Variants in ADAMTS18 observed in about 807,000 individuals in gnomAD.
ADAMTS18 encodes ADAM metallopeptidase with thrombospondin type 1 motif 18.
ADAMTS18 carries 157 observed loss-of-function variants against 165.9 expected under a neutral mutation model. The ratio of observed to expected loss-of-function variants is 0.95; its 90% CI spans 0.83 to 1.08. ADAMTS18 has a LOEUF of 1.08. ADAMTS18 is among the 50% of genes least tolerant of loss of function. The pLI is 0.00. For synonymous variants in ADAMTS18, 782 were observed against 578.2 expected (o/e 1.35, Z -5.06); for missense variants, 2,040 against 1,534.0 (o/e 1.33, Z -5.51).
intron 1 of ADAMTS18, 44 bp from the exon 2 acceptor site, chr16:77,434,549 G>A (rs2057774149): frequency 6.5e-7 from 1 of 1,533,412 alleles, no homozygotes. Flanking sequence ...GCGCGGCGGG[G>A]CTGGCGTCGG....
chr16:77,347,657 A>G lies in ADAMTS18; in HGVS notation c.1615-5858T>C, dbSNP rs186469563. Among the ~76,000 whole-genome samples, 179 of 152,152 alleles carry G rather than the reference A, an allele frequency of 1.2e-3. 2 individuals carry two copies. The highest frequency in any genetic ancestry group is 4.1e-3 in the African/African-American group (170 of 41,506). On this transcript the variant is annotated intron_variant, in intron 10 of 22. Coordinates refer to ENST00000282849, the MANE Select transcript of ADAMTS18 (RefSeq NM_199355.4). ...CTGAGAGCAATTGATATTGAGTACC[A>G]TTTCATGCATTTATTGACTATGTGT...
intron 3 of ADAMTS18, among the ~76,000 whole-genome samples, chr16:77,376,038 G>A (rs1041415221): frequency 1.3e-5 from 2 of 151,842 alleles, no homozygotes; most frequent in African/African-American, 4.8e-5. Flanking sequence ...TGAGTAGCTG[G>A]GATTACAGGC....
Position 77,289,324 on chromosome 16 carries a change from G to C in ADAMTS18, c.3490C>G (p.Gln1164Glu). 5 of 1,614,158 alleles carry C rather than the reference G, an allele frequency of 3.1e-6. No homozygotes were observed. Among genetic ancestry groups the C allele is most frequent in the Non-Finnish European group, 4.2e-6 (5 of 1,180,022 alleles). ...GRPSSSCLLH[Q>E]KPPVLRACNT... ...CAGGCTCGTAGCACCGGAGGTTTCT[G>C]ATGGAGCAGACAACTTGAGGAAGGC... Residue 1164 changes from glutamine (Q) to glutamate (E), a missense_variant, in exon 22 of 23, where the codon CAG (glutamine) becomes GAG (glutamate). By Grantham distance (29) the Gln-to-Glu change is conservative. Transcript: ENST00000282849.
chr16:77,364,089 T>G (rs943060269), intron 5 of ADAMTS18, 99 bp downstream of exon 5: 4 of 1,499,316 alleles, frequency 2.7e-6, no homozygotes, highest in Non-Finnish European at 3.7e-6. Context: ...CAATTACATT[T>G]GCACCGACCT....
intron 11 of ADAMTS18, among the ~76,000 whole-genome samples, chr16:77,341,175 G>T (rs1271330917): frequency 1.3e-5 from 2 of 152,150 alleles, no homozygotes; most frequent in Admixed American, 1.3e-4. Flanking sequence ...GGTTCTCTGG[G>T]TAGGAGATGC....
chr16:77,362,179 T>C lies in ADAMTS18; in HGVS notation c.1142A>G (p.Lys381Arg), dbSNP rs1183283669. The C allele has an allele frequency of 3.7e-6, 6 of 1,614,094 alleles. No homozygotes were observed. Among genetic ancestry groups the C allele is most frequent in the Admixed American group, 3.3e-5 (2 of 60,026 alleles). The change falls in exon 7 of 23, where the codon AAG (lysine) becomes AGG (arginine). Residue 381 changes from lysine to arginine, a missense_variant. Transcript: ENST00000282849. The part of the protein sequence containing the change: ...WQSALIGKNG[K>R]RHDHAILLTG... ...TAGTAAGATGGCATGATCATGTCTC[T>C]TGCCATTCTTTCCAATGAGGGCAGA... is the stretch of plus-strand genomic sequence containing the variant.
Position 77,289,119 on chromosome 16 carries a change from C to T in ADAMTS18, c.3550+145G>A. On this transcript the variant is annotated intron_variant, in intron 22 of 22. Transcript: ENST00000282849. ...TTCCCCAGAGTGGTGCCTTATACAA[C>T]TCCAGGGAGCACTGTCACATAGACT... The T allele has an allele frequency of 3.9e-6, 4 of 1,034,118 alleles. No homozygotes were observed. The East Asian group carries it at 7.2e-5, about 19-fold the overall frequency. 64.1% of individuals were successfully genotyped at this position (1,034,118 alleles called of 1,614,324 possible). A position where few individuals can be genotyped will look rare whatever the true frequency, so the allele number is the denominator to read the frequency against.
chr16:77,353,910 T>C lies in ADAMTS18; in HGVS notation c.1461-24A>G. On this transcript the variant is annotated intron_variant, in intron 9 of 22. Transcript: ENST00000282849. Reference sequence around the variant, plus strand: ...TGCTGTAATGACAATACATGCTTATTAATTACTCTGTTGATCTGTGATCTT... The same window carrying C: ...TGCTGTAATGACAATACATGCTTATCAATTACTCTGTTGATCTGTGATCTT... The C allele has an allele frequency of 3.1e-6, 5 of 1,614,016 alleles. 1 individual carries two copies. The highest frequency in any genetic ancestry group is 4.2e-6 in the Non-Finnish European group (5 of 1,179,922).
In ADAMTS18 at chr16:77,367,701, T is replaced by C. The variant is rs758695321; in HGVS notation, c.518A>G (p.Lys173Arg). 8.1e-6 allele frequency: 13 copies of C among 1,614,092 alleles called. No homozygotes were observed. Among genetic ancestry groups the C allele is most frequent in the African/African-American group, 8.0e-5 (6 of 74,942 alleles). The change falls in exon 4 of 23, where the codon AAA becomes AGA. Residue 173 changes from lysine (K) to arginine (R), a missense_variant. By Grantham distance (26) the Lys-to-Arg change is conservative. Coordinates refer to ENST00000282849, the MANE Select transcript of ADAMTS18 (RefSeq NM_199355.4). ...TAATGGCGAGATGAGGAATTCATTT[T>C]TTCGTGTCCTTATTAAACCTGACTA... ...AGLSGLIRTR[K>R]NEFLISPLPQ...
rs539041402 is a variant in ADAMTS18, at chr16:77,341,036, T to C, written c.1710+668A>G. Among the ~76,000 whole-genome samples the C allele has an allele frequency of 1.5e-4, 23 of 152,318 alleles. 1 individual carries two copies. The highest frequency in any genetic ancestry group is 3.1e-4 in the Non-Finnish European group (21 of 68,032). ...AAATGAACTTCCCAAATCTGGATCA[T>C]TTACTAGTAGCCCAAATGCAACCTG... On this transcript the variant is annotated intron_variant, in intron 11 of 22. Transcript: ENST00000282849.
chr16:77,426,997 G>A (rs2057681813), intron 3 of ADAMTS18, among the ~76,000 whole-genome samples: 1 of 152,280 alleles, frequency 6.6e-6, no homozygotes, highest in Non-Finnish European at 1.5e-5. Flanking sequence ...CCAGATGACA[G>A]AGTAAGACCC....
chr16:77,297,972 T>TGGA (rs1364610630), intron 17 of ADAMTS18, among the ~76,000 whole-genome samples: 1 of 128,628 alleles, frequency 7.8e-6, no homozygotes, highest in Non-Finnish European at 1.6e-5. Flanking sequence ...TCGCCCAGGC[T>TGGA]GGAGTGCAGT....
chr16:77,309,509 T>G (rs1436049177), intron 16 of ADAMTS18, among the ~76,000 whole-genome samples: 2 of 152,212 alleles, frequency 1.3e-5, no homozygotes, highest in Admixed American at 6.5e-5. Flanking sequence ...GGAGAATGGA[T>G]GTCTGTAATA....
chr16:77,327,585 C>T (rs1306031979), intron 12 of ADAMTS18, among the ~76,000 whole-genome samples: 1 of 152,188 alleles, frequency 6.6e-6, no homozygotes, highest in Non-Finnish European at 1.5e-5. Context: ...GAAATAATGG[C>T]ATTCACAGCA....
chr16:77,322,437 C>A lies in ADAMTS18; in HGVS notation c.2062G>T (p.Ala688Ser). 1.2e-6 allele frequency: 2 copies of A among 1,614,018 alleles called. No individual in the cohort carries two copies. The highest frequency in any genetic ancestry group is 1.7e-6 in the Non-Finnish European group (2 of 1,179,970). ...GCAAAAAAAAATTCAAAGTTCTCAG[C>A]CTTGCAGTACAGTTTGCATCGATCT... The part of the protein sequence containing the change: ...EEDRCKLYCK[A>S]ENFEFFFAMS... The change falls in exon 14 of 23, where the codon GCT becomes TCT. Residue 688 changes from alanine to serine, a missense_variant. By Grantham distance (99) the Ala-to-Ser change is moderately conservative. Coordinates refer to ENST00000282849, the MANE Select transcript of ADAMTS18 (RefSeq NM_199355.4).
intron 3 of ADAMTS18, among the ~76,000 whole-genome samples, chr16:77,400,464 GTGTGTGTGTGTGTGTGTTT>G (rs2057313405): frequency 7.7e-6 from 1 of 130,502 alleles, no homozygotes; most frequent in African/African-American, 2.7e-5. Flanking sequence ...GTCTGTGTGT[GTGTGTGTGTGTGTGTGTTT>G]TGTTTTTTTT....
intron 21 of ADAMTS18, 125 bp downstream of exon 21, chr16:77,291,141 G>A (rs1415430662): frequency 3.7e-6 from 4 of 1,080,342 alleles, no homozygotes; most frequent in African/African-American, 1.6e-5. Context: ...TCTGCCTTCA[G>A]AACTTGAGCC....
chr16:77,313,450 A>AAAAT (rs772605171), intron 16 of ADAMTS18, among the ~76,000 whole-genome samples: 34 of 40,862 alleles, frequency 8.3e-4, no homozygotes, highest in Admixed American at 1.4e-3. Context: ...TAATAAAAAT[A>AAAAT]AAATAAATAA....
intron 4 of ADAMTS18, among the ~76,000 whole-genome samples, chr16:77,366,287 A>G (rs2056792638): frequency 6.6e-6 from 1 of 152,244 alleles, no homozygotes; most frequent in Non-Finnish European, 1.5e-5. Flanking sequence ...GGCTGGGCGC[A>G]GTGGCTCATG....
Sources: gnomAD v4.1 joint callset for allele counts (sites outside exome capture counted in the v4.1 genomes callset) on GRCh38, gnomAD v4.1.1 for gene constraint, MANE v1.5 for transcripts, NCBI Gene and HGNC (gene_info 2026-07-23, HGNC 2026-07-21) for gene names.